The following RYR1 variants were observed in gnomAD, a reference collection of about 807,000 sequenced individuals.
The protein encoded by RYR1 is ryanodine receptor 1.
In RYR1, 342 loss-of-function variants were observed where a neutral mutation model predicts 583.5. That is an observed-to-expected ratio of 0.59 (90% CI 0.54 to 0.64). The LOEUF (loss-of-function observed/expected upper bound fraction) is 0.64, where lower values mean the gene tolerates loss of function less well. Ranked by LOEUF, RYR1 falls within the 30% of genes least tolerant of loss-of-function variation. RYR1 has a pLI of 0.00. For missense variants in RYR1, 6,032 were observed against 6,917.2 expected (o/e 0.87, Z 4.54); for synonymous variants, 2,791 against 2,822.5 (o/e 0.99, Z 0.35).
At chr19:38,491,992 G>T (rs1432795782) in intron 37 of RYR1, among the ~76,000 whole-genome samples, 1 of 151,820 alleles carries the variant, frequency 6.6e-6, no homozygotes, top group Non-Finnish European at 1.5e-5. Context: ...TTAGTTCTTT[G>T]AACATATTTG....
At chr19:38,563,106 C>T (rs961171685) in intron 90 of RYR1, among the ~76,000 whole-genome samples, 2 of 152,206 alleles carry the variant, frequency 1.3e-5, no homozygotes, top group Non-Finnish European at 2.9e-5. Context: ...ACCCTGCGTG[C>T]TCCCCATACA....
chr19:38,451,845 A>G lies in RYR1; in HGVS notation c.1204A>G (p.Met402Val), dbSNP rs766763626. The G allele has an allele frequency of 2.5e-5, 41 of 1,613,994 alleles. No homozygotes were observed. The highest frequency in any genetic ancestry group is 3.1e-5 in the Non-Finnish European group (37 of 1,180,030). The change falls in exon 12 of 106, where the codon ATG becomes GTG. Residue 402 changes from methionine to valine, a missense_variant. Met to Val is a conservative substitution (Grantham distance 21, BLOSUM62 1). Transcript: ENST00000359596. Reference sequence around the variant, plus strand: ...GCAGGAGGAGTCCCAGGCCGCCCGCATGATCCACAGCACCAATGGCCTATA... The same window carrying G: ...GCAGGAGGAGTCCCAGGCCGCCCGCGTGATCCACAGCACCAATGGCCTATA... ...CQQEESQAAR[M>V]IHSTNGLYNQ...
intron 22 of RYR1, 98 bp from the exon 23 acceptor site, chr19:38,464,541 C>A: frequency 2.0e-6 from 2 of 984,282 alleles, no homozygotes; most frequent in Non-Finnish European, 3.1e-6. Context: ...ACTGAAGCAG[C>A]AGAGGTAGAG....
chr19:38,558,479 G>C (rs1972974978), intron 89 of RYR1, among the ~76,000 whole-genome samples: 1 of 151,968 alleles, frequency 6.6e-6, no homozygotes, highest in South Asian at 2.1e-4. Context: ...CAACTACTAT[G>C]TACCCACAAA....
Position 38,558,735 on chromosome 19 carries a change from C to T in RYR1, c.12283-2378C>T, listed in dbSNP as rs182371644. Reference sequence around the variant, plus strand: ...CAGAGGTTTCAGTGAGCCAAGATCACGCCACTGCACTCCAGCCTGGGTGAC... The same window carrying T: ...CAGAGGTTTCAGTGAGCCAAGATCATGCCACTGCACTCCAGCCTGGGTGAC... On this transcript the variant is annotated intron_variant, in intron 89 of 105. Transcript: ENST00000359596. Among the ~76,000 whole-genome samples the T allele has an allele frequency of 2.6e-4, 39 of 151,984 alleles. No individual in the cohort carries two copies. In the East Asian group the frequency reaches 6.4e-3, roughly 25 times the overall value.
chr19:38,439,250 C>T (rs1972564397), intron 1 of RYR1, among the ~76,000 whole-genome samples: 1 of 150,698 alleles, frequency 6.6e-6, no homozygotes, highest in Non-Finnish European at 1.5e-5. Context: ...CTCTTGTTGC[C>T]CCAGACTGGA....
At position 38,506,343 on chromosome 19, in the gene RYR1, A is replaced by G. The variant is rs1387635507; in HGVS notation, c.8582A>G (p.Asp2861Gly). The change falls in exon 55 of 106, where the codon GAC becomes GGC. Residue 2861 changes from aspartate (D) to glycine (G), a missense_variant. Around this residue, in one of 11 missense-constraint regions of RYR1, gnomAD observed 1,493 missense variants for 1,715.5 expected, o/e 0.87. Coordinates refer to ENST00000359596, the MANE Select transcript of RYR1 (RefSeq NM_000540.3). ...GAAGGCTACAACCCTCAGCCCCCCGACCTTAGTGCTGTTACCCTGTCCCGG... is the reference window on the plus strand; with the variant it reads ...GAAGGCTACAACCCTCAGCCCCCCGGCCTTAGTGCTGTTACCCTGTCCCGG... ...PREGYNPQPPDLSAVTLSREL... is the reference protein window; with the variant it reads ...PREGYNPQPPGLSAVTLSREL... 3.1e-6 allele frequency: 5 copies of G among 1,613,228 alleles called. No individual in the cohort carries two copies. Among genetic ancestry groups the G allele is most frequent in the Non-Finnish European group, 4.2e-6 (5 of 1,179,734 alleles).
Position 38,499,265 on chromosome 19 carries a change from C to T in RYR1, c.7027+22C>T, listed in dbSNP as rs781706576. ...AACGGTGAGGAGGGGGTGGCAGTGG[C>T]AGAGCGGGAAGTATGGAGTCACTGG... On this transcript the variant is annotated intron_variant, in intron 43 of 105. Coordinates refer to ENST00000359596, the MANE Select transcript of RYR1 (RefSeq NM_000540.3). The surrounding 1 kb of genome is among the most constrained non-coding windows in gnomAD (Gnocchi z 7.3). The T allele has an allele frequency of 1.2e-6, 2 of 1,614,108 alleles. No homozygotes were observed. The highest frequency in any genetic ancestry group is 1.7e-6 in the Non-Finnish European group (2 of 1,179,988).
In RYR1 at chr19:38,507,777, A is replaced by G; in HGVS notation, c.8882A>G (p.Gln2961Arg). The G allele has an allele frequency of 3.1e-6, 5 of 1,613,988 alleles. No individual in the cohort carries two copies. Among genetic ancestry groups the G allele is most frequent in the Non-Finnish European group, 4.2e-6 (5 of 1,179,884 alleles). Reference protein sequence around the residue: ...IEKRFAFGFLQQLLRWMDISQ... With the variant: ...IEKRFAFGFLRQLLRWMDISQ... Reference sequence around the variant, plus strand: ...AAGCGGTTTGCCTTTGGCTTCCTGCAGCAGCTGCTGCGCTGGATGGACATT... The same window carrying G: ...AAGCGGTTTGCCTTTGGCTTCCTGCGGCAGCTGCTGCGCTGGATGGACATT... Residue 2961 changes from glutamine to arginine, a missense_variant, in exon 58 of 106, where the codon CAG (glutamine) becomes CGG (arginine). Transcript: ENST00000359596.
intron 91 of RYR1, among the ~76,000 whole-genome samples, chr19:38,566,443 T>C (rs113867224): frequency 0.15 from 14,501 of 95,904 alleles, 1,504 homozygotes; most frequent in African/African-American, 0.35. Context: ...AGCGAGACTC[T>C]GTCTCAAAAA....
In RYR1 at chr19:38,585,997, A is replaced by T; in HGVS notation, c.14863A>T (p.Met4955Leu). Residue 4955 changes from methionine (M) to leucine (L), a missense_variant, in exon 103 of 106, where the codon ATG (methionine) becomes TTG (leucine). Around this residue, in one of 11 missense-constraint regions of RYR1, gnomAD observed 189 missense variants for 350.3 expected, o/e 0.54. Coordinates refer to ENST00000359596, the MANE Select transcript of RYR1 (RefSeq NM_000540.3). Reference sequence around the variant, plus strand: ...CCAACAAGAGCAAGTGAAGGAGGATATGGAGGTAGGTCATGTCTGGGGGTG... The same window carrying T: ...CCAACAAGAGCAAGTGAAGGAGGATTTGGAGGTAGGTCATGTCTGGGGGTG... ...RDQQEQVKED[M>L]ETKCFICGIG... 6.2e-7 allele frequency: 1 copy of T among 1,613,966 alleles called. No homozygotes were observed. The highest frequency in any genetic ancestry group is 8.5e-7 in the Non-Finnish European group (1 of 1,179,970).
chr19:38,462,496 C>T (rs146095085), intron 20 of RYR1, among the ~76,000 whole-genome samples: 277 of 152,152 alleles, frequency 1.8e-3, no homozygotes, highest in Middle Eastern at 0.017. Flanking sequence ...GACATCCCCC[C>T]GACCCCGCTT....
In RYR1 at chr19:38,529,116, C is replaced by T. The variant is rs1010020362; in HGVS notation, c.11141+59C>T. The stretch of plus-strand genomic sequence containing the variant: ...CCAAGGTCCTGGGGCCACCCCCAGC[C>T]CAGCAGCTTCCCTGTGCCTCAGGAG... On this transcript the variant is annotated intron_variant, in intron 76 of 105. Coordinates refer to ENST00000359596, the MANE Select transcript of RYR1 (RefSeq NM_000540.3). 6 of 1,551,704 alleles carry T rather than the reference C, an allele frequency of 3.9e-6. No individual in the cohort carries two copies. The African/African-American group carries it at 6.8e-5, about 18-fold the overall frequency.
rs542186440 is a variant in RYR1, at chr19:38,573,281, G to A, written c.14103G>A (p.Gln4701=). 1 of 1,613,914 alleles carries A rather than the reference G, an allele frequency of 6.2e-7. No homozygotes were observed. The highest frequency in any genetic ancestry group is 2.2e-5 in the East Asian group (1 of 44,878). ...CTGAGGACGATGACGTGAAGGGGCAGTGGGACCGACTGGTGCTCAACACGC... is the reference window on the plus strand; with the variant it reads ...CTGAGGACGATGACGTGAAGGGGCAATGGGACCGACTGGTGCTCAACACGC... The part of the protein sequence containing the change: ...EQPEDDDVKG[Q]WDRLVLNTPS... Residue 4701 remains glutamine, a synonymous_variant, in exon 96 of 106, where the codon CAG becomes CAA. Coordinates refer to ENST00000359596, the MANE Select transcript of RYR1 (RefSeq NM_000540.3).
chr19:38,536,653 C>G (rs1028966536), intron 82 of RYR1, 97 bp from the exon 83 acceptor site: 1 of 1,394,654 alleles, frequency 7.2e-7, no homozygotes, highest in African/African-American at 1.4e-5. Context: ...TTCTGTGTCT[C>G]TGTCCCTGAC....
Position 38,458,080 on chromosome 19 carries a change from C to T in RYR1, c.1955C>T (p.Ala652Val), listed in dbSNP as rs757908433. ...SIRPNIFVGRAEGTTQYSKWY... is the reference protein window; with the variant it reads ...SIRPNIFVGRVEGTTQYSKWY... Reference sequence around the variant, plus strand: ...CGCCCCAACATCTTTGTGGGCCGAGCGGAAGGCACCACGCAGTACAGCAAA... The same window carrying T: ...CGCCCCAACATCTTTGTGGGCCGAGTGGAAGGCACCACGCAGTACAGCAAA... Residue 652 changes from alanine (A) to valine (V), a missense_variant, in exon 18 of 106, where the codon GCG becomes GTG. Physicochemically the swap from Ala to Val is moderately conservative, Grantham distance 64. This residue lies in a region of RYR1 where 2,627 missense variants were observed against 2,961.3 expected (regional missense o/e 0.89). Transcript: ENST00000359596. The T allele has an allele frequency of 3.6e-5, 58 of 1,613,652 alleles. No individual in the cohort carries two copies. Among genetic ancestry groups the T allele is most frequent in the East Asian group, 6.7e-5 (3 of 44,874 alleles).
At position 38,561,040 on chromosome 19, in the gene RYR1, TAAAAAAA is replaced by T; in HGVS notation, c.12283-62_12283-56del. The stretch of plus-strand genomic sequence containing the variant: ...TGGGCGACACAGCGAGACCTTGTCT[TAAAAAAA>T]AAAAAAAAAAGAGAGAGAATTGAGG... On this transcript the variant is annotated intron_variant, in intron 89 of 105. Coordinates refer to ENST00000359596, the MANE Select transcript of RYR1 (RefSeq NM_000540.3). This position sits in a 1 kb window ranked among gnomAD's most constrained non-coding sequence, Gnocchi z 4.8. 1 of 1,160,958 alleles carries T rather than the reference TAAAAAAA, an allele frequency of 8.6e-7. No individual in the cohort carries two copies. Among genetic ancestry groups the T allele is most frequent in the Admixed American group, 2.4e-5 (1 of 41,048 alleles). 71.9% of individuals were successfully genotyped at this position (1,160,958 alleles called of 1,614,324 possible).
Position 38,499,927 on chromosome 19 carries a change from G to A in RYR1, c.7234G>A (p.Glu2412Lys), listed in dbSNP as rs1247609577. 1 of 1,613,962 alleles carries A rather than the reference G, an allele frequency of 6.2e-7. No individual in the cohort carries two copies. Among genetic ancestry groups the A allele is most frequent in the Non-Finnish European group, 8.5e-7 (1 of 1,180,028 alleles). ...CTGCAGCTTTGGTGAGGAACCGCCTGAAGAAAACCGGGTGCACCTGGGACA... is the reference window on the plus strand; with the variant it reads ...CTGCAGCTTTGGTGAGGAACCGCCTAAAGAAAACCGGGTGCACCTGGGACA... ...RREHFGEEPP[E>K]ENRVHLGHAI... Residue 2412 changes from glutamate to lysine, a missense_variant, in exon 45 of 106, where the codon GAA becomes AAA. Around this residue, in one of 11 missense-constraint regions of RYR1, gnomAD observed 2,627 missense variants for 2,961.3 expected, o/e 0.89. Transcript: ENST00000359596. The surrounding 1 kb of genome is among the most constrained non-coding windows in gnomAD (Gnocchi z 7.3).
intron 27 of RYR1, among the ~76,000 whole-genome samples, chr19:38,470,443 A>C (rs1268285801): frequency 1.3e-5 from 2 of 151,102 alleles, no homozygotes; most frequent in Non-Finnish European, 3.0e-5. Context: ...TCATTGAAAA[A>C]AAAAAAAAAA....
Sources: gnomAD v4.1 joint callset for allele counts (sites outside exome capture counted in the v4.1 genomes callset) on GRCh38, gnomAD v4.1.1 for gene constraint, gnomAD v4.1.1 regional missense constraint, Gnocchi (gnomAD v3.1) non-coding constraint, MANE v1.5 for transcripts, NCBI Gene and HGNC (gene_info 2026-07-23, HGNC 2026-07-21) for gene names.